Variants in PDE11A observed in about 807,000 individuals in gnomAD.
The protein encoded by PDE11A is phosphodiesterase 11A.
A neutral mutation model predicts 100.5 loss-of-function variants in PDE11A; 100 were observed. The observed-to-expected ratio is 1.00, with a 90% confidence interval of 0.85 to 1.18. The LOEUF (loss-of-function observed/expected upper bound fraction) is 1.18, where lower values mean the gene tolerates loss of function less well. Ranked by LOEUF, PDE11A falls within the 50% of genes most tolerant of loss-of-function variation. The probability of loss-of-function intolerance (pLI) is 0.00; values close to 1 mark genes in which losing one functional copy is unlikely to be tolerated. For missense variants in PDE11A, 1,141 were observed against 1,152.6 expected (o/e 0.99, Z 0.15); for synonymous variants, 381 against 420.8 (o/e 0.91, Z 1.16).
chr2:177,802,893 GCA>G (rs2082813669), intron 9 of PDE11A, among the ~76,000 whole-genome samples: 1 of 151,848 alleles, frequency 6.6e-6, no homozygotes, highest in Admixed American at 6.6e-5. Flanking sequence ...TACTGCAAAA[GCA>G]CTTGTATAAA....
At chr2:177,804,188 A>C (rs2082833184) in intron 9 of PDE11A, among the ~76,000 whole-genome samples, 1 of 152,096 alleles carries the variant, frequency 6.6e-6, no homozygotes, top group Non-Finnish European at 1.5e-5. Flanking sequence ...GAATGGGCAA[A>C]AAGTTTCCAA....
At chr2:178,092,295 C>A (rs774701327) in intron 2 of PDE11A, among the ~76,000 whole-genome samples, 8 of 152,188 alleles carry the variant, frequency 5.3e-5, no homozygotes, top group Non-Finnish European at 7.3e-5. Context: ...CTCCTCCATC[C>A]TGACCTATCC....
chr2:177,820,920 A>G (rs956691719), intron 6 of PDE11A, among the ~76,000 whole-genome samples: 4 of 151,872 alleles, frequency 2.6e-5, no homozygotes, highest in African/African-American at 4.8e-5. Flanking sequence ...TGAGTAACAA[A>G]CTCCATTTAA....
At chr2:178,066,985 A>C (rs1228063871) in intron 1 of PDE11A, among the ~76,000 whole-genome samples, 1 of 152,080 alleles carries the variant, frequency 6.6e-6, no homozygotes, top group Non-Finnish European at 1.5e-5. Context: ...CCTACTTAGA[A>C]TCTTTCCCCT....
chr2:177,715,418 G>A (rs2081422157), intron 12 of PDE11A, among the ~76,000 whole-genome samples: 1 of 151,916 alleles, frequency 6.6e-6, no homozygotes, highest in Non-Finnish European at 1.5e-5. Context: ...GCCTAATCTG[G>A]AGAATCAATT....
intron 6 of PDE11A, among the ~76,000 whole-genome samples, chr2:177,831,102 T>A (rs2083301344): frequency 6.6e-6 from 1 of 152,152 alleles, no homozygotes; most frequent in African/African-American, 2.4e-5. Flanking sequence ...AGAAGGCAAA[T>A]AATCACTATG....
chr2:177,842,806 A>C (rs2083512160), intron 5 of PDE11A, among the ~76,000 whole-genome samples: 1 of 152,186 alleles, frequency 6.6e-6, no homozygotes, highest in African/African-American at 2.4e-5. Flanking sequence ...AGCAGAACAC[A>C]GTTGTTTTAA....
intron 5 of PDE11A, among the ~76,000 whole-genome samples, chr2:177,861,370 T>G (rs990147328): frequency 1.3e-5 from 2 of 151,650 alleles, no homozygotes. Context: ...TGTATCAAAA[T>G]AAGTGTAAGT....
chr2:177,898,042 A>T lies in PDE11A; in HGVS notation c.1302+16T>A, dbSNP rs757417489. 6.9e-6 allele frequency: 11 copies of T among 1,593,780 alleles called. No homozygotes were observed. In the South Asian group the frequency reaches 8.8e-5, roughly 13 times the overall value. On this transcript the variant is annotated intron_variant, in intron 4 of 19. Transcript: ENST00000286063. ...TTCACACAGTCTTCAACTTTAAAAG[A>T]TAAAAGATAACTTACTGGTGATTCG...
chr2:178,082,984 G>A (rs1281711046), intron 2 of PDE11A, among the ~76,000 whole-genome samples: 1 of 152,122 alleles, frequency 6.6e-6, no homozygotes, highest in Non-Finnish European at 1.5e-5. Flanking sequence ...TTGGCCAAGA[G>A]ATGGTCTGTT....
Position 178,105,531 on chromosome 2 carries a change from T to A in PDE11A, c.-13-1055A>T, listed in dbSNP as rs893655306. On this transcript the variant is annotated intron_variant, in intron 1 of 20. Coordinates refer to the PDE11A transcript ENST00000358450. Reference sequence around the variant, plus strand: ...ATAAAATAAATTTTTTACAAAGATATTTTGGTTGAGACTGTTAAAAATTCT... The same window carrying A: ...ATAAAATAAATTTTTTACAAAGATAATTTGGTTGAGACTGTTAAAAATTCT... 2.5e-5 allele frequency: 7 copies of A among 285,562 alleles called. No individual in the cohort carries two copies. The East Asian group carries it at 4.1e-4, about 17-fold the overall frequency. 17.7% of individuals were successfully genotyped at this position (285,562 alleles called of 1,614,324 possible).
chr2:177,756,625 A>G (rs1287341011), intron 10 of PDE11A, among the ~76,000 whole-genome samples: 1 of 152,226 alleles, frequency 6.6e-6, no homozygotes, highest in African/African-American at 2.4e-5. Context: ...CAGGAAGGCC[A>G]GAGGTGAATT....
At chr2:177,943,222 T>C (rs770318004) in intron 2 of PDE11A, among the ~76,000 whole-genome samples, 2 of 152,238 alleles carry the variant, frequency 1.3e-5, no homozygotes, top group Non-Finnish European at 2.9e-5. Context: ...CATTTAATTC[T>C]TTGAATATAT....
intron 5 of PDE11A, among the ~76,000 whole-genome samples, chr2:177,864,026 A>C (rs1431649725): frequency 6.6e-6 from 1 of 152,180 alleles, no homozygotes; most frequent in Admixed American, 6.5e-5. Flanking sequence ...TTCCTAAAAA[A>C]GAATCAGATG....
chr2:177,880,666 G>A (rs933383550), intron 4 of PDE11A, among the ~76,000 whole-genome samples: 1 of 152,136 alleles, frequency 6.6e-6, no homozygotes, highest in Admixed American at 6.6e-5. Context: ...TCAGGAATGA[G>A]GAAAGTATTG....
At chr2:177,919,560 T>A (rs1351392632) in intron 2 of PDE11A, among the ~76,000 whole-genome samples, 1 of 152,104 alleles carries the variant, frequency 6.6e-6, no homozygotes, top group Non-Finnish European at 1.5e-5. Context: ...AGCAAAAAAA[T>A]GATCATCTTA....
At chr2:178,035,270 A>C (rs2086597805) in intron 1 of PDE11A, among the ~76,000 whole-genome samples, 1 of 152,232 alleles carries the variant, frequency 6.6e-6, no homozygotes, top group Admixed American at 6.5e-5. Flanking sequence ...TAAACTAGAA[A>C]ATCTAGAAGA....
chr2:177,786,170 G>A (rs572893511), intron 9 of PDE11A, among the ~76,000 whole-genome samples: 11 of 152,164 alleles, frequency 7.2e-5, no homozygotes, highest in African/African-American at 1.4e-4. Context: ...TCACACGGCC[G>A]GGTACTCCTC....
intron 9 of PDE11A, among the ~76,000 whole-genome samples, chr2:177,785,237 A>G (rs1451296682): frequency 6.6e-6 from 1 of 152,032 alleles, no homozygotes; most frequent in African/African-American, 2.4e-5. Context: ...AAGTTACAGC[A>G]CTCCACCTGA....
Sources: allele counts gnomAD v4.1 joint callset (sites outside exome capture counted in the v4.1 genomes callset), GRCh38; gene constraint gnomAD v4.1.1; transcripts MANE v1.5; gene names NCBI Gene and HGNC (gene_info 2026-07-23, HGNC 2026-07-21).